Variants in PTPRN2 observed in about 807,000 individuals in gnomAD.
The protein encoded by PTPRN2 is protein tyrosine phosphatase receptor type N2, also known as receptor-type tyrosine-protein phosphatase N2.
A neutral mutation model predicts 118.8 loss-of-function variants in PTPRN2; 74 were observed. The ratio of observed to expected loss-of-function variants is 0.62; its 90% CI spans 0.52 to 0.76. PTPRN2 has a LOEUF of 0.76. Ranked by LOEUF, PTPRN2 falls within the 30% of genes least tolerant of loss-of-function variation. The pLI is 0.00. For missense variants in PTPRN2, 1,481 were observed against 1,394.4 expected (o/e 1.06, Z -0.99); for synonymous variants, 641 against 608.0 (o/e 1.05, Z -0.80).
At chr7:158,141,080 G>A (rs1257749006) in intron 6 of PTPRN2, among the ~76,000 whole-genome samples, 2 of 152,068 alleles carry the variant, frequency 1.3e-5, no homozygotes, top group Non-Finnish European at 2.9e-5. Context: ...CCACGCTAGA[G>A]GGGTCTCACC....
chr7:158,543,232 G>C (rs1218744265), intron 1 of PTPRN2, among the ~76,000 whole-genome samples: 1 of 152,216 alleles, frequency 6.6e-6, no homozygotes, highest in Non-Finnish European at 1.5e-5. Context: ...GCTCACCTTA[G>C]TGGGTTCAAT....
intron 3 of PTPRN2, among the ~76,000 whole-genome samples, chr7:158,240,240 G>A (rs896561191): frequency 6.2e-5 from 7 of 113,574 alleles, no homozygotes; most frequent in African/African-American, 2.5e-4. Flanking sequence ...TAAAACAATG[G>A]GGAATATACC....
chr7:158,333,668 C>G (rs1299022457), intron 2 of PTPRN2, among the ~76,000 whole-genome samples: 2 of 151,452 alleles, frequency 1.3e-5, no homozygotes, highest in African/African-American at 4.9e-5. Flanking sequence ...TAAGAGCTGA[C>G]ACCCACAGAC....
At chr7:158,002,491 C>T (rs1805339182) in intron 11 of PTPRN2, among the ~76,000 whole-genome samples, 1 of 152,234 alleles carries the variant, frequency 6.6e-6, no homozygotes, top group East Asian at 1.9e-4. Flanking sequence ...CCTCGTGAGC[C>T]GGATGGCAAC....
At chr7:157,833,526 T>G in intron 12 of PTPRN2, among the ~76,000 whole-genome samples, 1 of 150,112 alleles carries the variant, frequency 6.7e-6, no homozygotes, top group South Asian at 2.1e-4. Context: ...ATCCATCCTG[T>G]ATGACGGTGA....
chr7:158,153,794 G>T (rs984139093), intron 6 of PTPRN2, among the ~76,000 whole-genome samples: 2 of 152,136 alleles, frequency 1.3e-5, no homozygotes, highest in African/African-American at 4.8e-5. Context: ...CCTGAGACAA[G>T]GTCAGAGGCA....
chr7:157,812,958 C>G (rs2151120948), intron 12 of PTPRN2, among the ~76,000 whole-genome samples: 1 of 152,306 alleles, frequency 6.6e-6, no homozygotes, highest in South Asian at 2.1e-4. Flanking sequence ...AGCCAAGTCC[C>G]TACCCACATT....
At chr7:157,992,943 G>C (rs1804360829) in intron 11 of PTPRN2, among the ~76,000 whole-genome samples, 1 of 152,264 alleles carries the variant, frequency 6.6e-6, no homozygotes, top group Admixed American at 6.5e-5. Flanking sequence ...TGGCGGCCGG[G>C]TCACTCCCAG....
intron 12 of PTPRN2, chr7:157,857,760 A>G (rs985469386): frequency 3.3e-5 from 5 of 152,314 alleles, no homozygotes; most frequent in African/African-American, 1.2e-4. Flanking sequence ...CCTGTGAGGC[A>G]CGTCTCAGCA....
chr7:158,205,129 G>A, intron 4 of PTPRN2, 42 bp downstream of exon 4: 1 of 1,454,610 alleles, frequency 6.9e-7, no homozygotes, highest in Non-Finnish European at 9.7e-7. Flanking sequence ...GCTATGGACT[G>A]TGTCCTGGGA....
chr7:158,267,412 C>A (rs193176326), intron 3 of PTPRN2, among the ~76,000 whole-genome samples: 43 of 152,284 alleles, frequency 2.8e-4, no homozygotes, highest in African/African-American at 8.7e-4. Context: ...AGCCAGGGAG[C>A]ATGTTTTTGT....
chr7:157,547,586 T>C (rs551659884), intron 22 of PTPRN2, among the ~76,000 whole-genome samples: 2 of 152,090 alleles, frequency 1.3e-5, no homozygotes, highest in East Asian at 3.9e-4. Context: ...TCGCAACACA[T>C]GCCGAATGCT....
At chr7:157,963,378 T>C (rs896356241) in intron 11 of PTPRN2, among the ~76,000 whole-genome samples, 21 of 152,252 alleles carry the variant, frequency 1.4e-4, no homozygotes, top group African/African-American at 5.1e-4. Context: ...AATCTACAAT[T>C]TATTGAAAGC....
At chr7:158,105,247 ACCC>A (rs1815586172) in intron 10 of PTPRN2, among the ~76,000 whole-genome samples, 3 of 140,660 alleles carry the variant, frequency 2.1e-5, no homozygotes, top group Non-Finnish European at 4.7e-5. Context: ...TCCCAACTCC[ACCC>A]TCAGCTCCAT....
rs952516036 is a variant in PTPRN2 at position 157,881,343 on chromosome 7, G to GAA, written c.1788+17328_1788+17329dup. Among the ~76,000 whole-genome samples, 10 of 47,258 alleles carry GAA rather than the reference G, an allele frequency of 2.1e-4. No homozygotes were observed. The highest frequency in any genetic ancestry group is 9.7e-4 in the Admixed American group (7 of 7,208). 31.0% of individuals were successfully genotyped at this position (47,258 alleles called of 152,430 possible). A position where few individuals can be genotyped will look rare whatever the true frequency, so the allele number is the denominator to read the frequency against. On this transcript the variant is annotated intron_variant, in intron 12 of 22. Coordinates refer to ENST00000389418, the MANE Select transcript of PTPRN2 (RefSeq NM_002847.5). The surrounding 1 kb of genome is among the most constrained non-coding windows in gnomAD (Gnocchi z 4.7). ...TCCCATGTGACTGGCATCCTTGTAG[G>GAA]AAGGAGATGCAGACACAGGTGCACA...
intron 18 of PTPRN2, 21 bp downstream of exon 18, chr7:157,578,000 G>C (rs745733549): frequency 1.3e-6 from 2 of 1,594,442 alleles, no homozygotes; most frequent in African/African-American, 2.7e-5. Context: ...GTCCTGCCCT[G>C]GGTGGCTCTG....
rs754415478 is a variant in PTPRN2 at position 157,596,816 on chromosome 7, G to C, written c.2419-1501C>G. 5.9e-5 allele frequency among the ~76,000 whole-genome samples: 9 copies of C among 152,308 alleles called. No homozygotes were observed. The highest frequency in any genetic ancestry group is 2.0e-4 in the Admixed American group (3 of 15,294). ...ACTAAAATGGACTCTTTTGCTATCA[G>C]GGTTTGATTCGAGATTTACAATGTT... is the stretch of plus-strand genomic sequence containing the variant. On this transcript the variant is annotated intron_variant, in intron 16 of 22. Transcript: ENST00000389418. The surrounding 1 kb of genome is among the most constrained non-coding windows in gnomAD (Gnocchi z 4.2).
intron 10 of PTPRN2, among the ~76,000 whole-genome samples, chr7:158,082,103 C>T (rs1348053182): frequency 6.6e-6 from 1 of 152,124 alleles, no homozygotes; most frequent in South Asian, 2.1e-4. Flanking sequence ...GGAACAGACC[C>T]CTTAAATGTC....
At chr7:158,295,779 A>ACG (rs1179166864) in intron 3 of PTPRN2, among the ~76,000 whole-genome samples, 11 of 148,922 alleles carry the variant, frequency 7.4e-5, no homozygotes, top group Admixed American at 2.0e-4. Flanking sequence ...CTCCATCCGC[A>ACG]CGGTTCACCC....
Sources: gnomAD v4.1 joint callset for allele counts (sites outside exome capture counted in the v4.1 genomes callset) on GRCh38, gnomAD v4.1.1 for gene constraint, Gnocchi (gnomAD v3.1) non-coding constraint, MANE v1.5 for transcripts, NCBI Gene and HGNC (gene_info 2026-07-23, HGNC 2026-07-21) for gene names.